RRM2: variants seen among roughly 807,000 people sequenced by gnomAD.
RRM2 encodes the protein ribonucleoside-diphosphate reductase subunit M2.
RRM2 carries 6 observed loss-of-function variants against 45.9 expected under a neutral mutation model. The observed-to-expected ratio is 0.13, with a 90% CI of 0.07 to 0.26. The LOEUF (loss-of-function observed/expected upper bound fraction) is 0.26, where lower values mean the gene tolerates loss of function less well. Ranked by LOEUF, RRM2 falls within the 10% of genes least tolerant of loss-of-function variation. The pLI is 1.00. For missense variants in RRM2, 343 were observed against 489.5 expected (o/e 0.70, Z 2.82); for synonymous variants, 177 against 173.0 (o/e 1.02, Z -0.18).
At chr2:10,188,158 T>A (rs1389208569) in intron 3 of RRM2, among the ~76,000 whole-genome samples, 1 of 152,018 alleles carries the variant, frequency 6.6e-6, no homozygotes, top group Non-Finnish European at 1.5e-5. Flanking sequence ...CCACTTTGGG[T>A]GAGTATGAGC....
chr2:10,200,482 C>CCGCCATCTAAGGGCTCTACTGGCTT (rs1216581097), intron 3 of RRM2, among the ~76,000 whole-genome samples: 1 of 54,852 alleles, frequency 1.8e-5, no homozygotes, highest in African/African-American at 6.1e-5. Flanking sequence ...AATATGAGGC[C>CCGCCATCTAAGGGCTCTACTGGCTT]CACAGGCACC....
chr2:10,164,072 G>A (rs1663629780), intron 3 of RRM2, among the ~76,000 whole-genome samples: 1 of 152,034 alleles, frequency 6.6e-6, no homozygotes, highest in Non-Finnish European at 1.5e-5. Context: ...GTGAACGTGT[G>A]TGTGAGTGTG....
At chr2:10,133,303 C>T (rs1041167081), downstream of RRM2, among the ~76,000 whole-genome samples, 9 of 152,228 alleles carry the variant, frequency 5.9e-5, no homozygotes, top group African/African-American at 9.6e-5. Context: ...CGGGGCCCTG[C>T]CCAGCTGCAG....
intron 3 of RRM2, among the ~76,000 whole-genome samples, chr2:10,166,694 G>A (rs943509438): frequency 2.6e-5 from 4 of 152,332 alleles, no homozygotes; most frequent in African/African-American, 9.6e-5. Flanking sequence ...CAAAGCCCTC[G>A]CCCTGTTCCC....
At chr2:10,142,804 A>G (rs917656257) in intron 3 of RRM2, among the ~76,000 whole-genome samples, 6 of 152,152 alleles carry the variant, frequency 3.9e-5, no homozygotes, top group African/African-American at 1.4e-4. Flanking sequence ...GCCCTGCCTG[A>G]GCCCAGGTGC....
rs1284645672 is a variant in RRM2, at chr2:10,131,007, T to G, written c.*1621T>G. The G allele has an allele frequency of 2.0e-5, 3 of 152,242 alleles. No individual in the cohort carries two copies. Among genetic ancestry groups the G allele is most frequent in the Non-Finnish European group, 4.4e-5 (3 of 68,042 alleles). The allele number at this position is 152,242 out of a possible 1,614,324, so 9.4% of individuals were successfully genotyped here. ...ACATTGCATGAAAGATGATGAGAGA[T>G]AAATGTTGATCTTTTGGCCCCATTT... On this transcript the variant is annotated 3_prime_UTR_variant, in exon 10 of 10. Transcript: ENST00000304567.
At chr2:10,186,647 T>TCAACC (rs1664173924) in intron 3 of RRM2, among the ~76,000 whole-genome samples, 12 of 152,202 alleles carry the variant, frequency 7.9e-5, no homozygotes, top group Admixed American at 7.2e-4. Context: ...TGAATGGGTC[T>TCAACC]CATAGTTGAG....
exon 4 of RRM2, chr2:10,210,850 G>A (rs1664749996): frequency 1.5e-5 from 5 of 332,016 alleles, no homozygotes; most frequent in South Asian, 9.7e-5. Flanking sequence ...CCATGCTGGG[G>A]TTGGTGCCCT....
intron 3 of RRM2, among the ~76,000 whole-genome samples, chr2:10,190,545 G>A (rs535337921): frequency 2.6e-5 from 4 of 151,138 alleles, no homozygotes; most frequent in African/African-American, 9.7e-5. Flanking sequence ...GTTGATGGTG[G>A]TGGTGAGGAT....
In RRM2 at chr2:10,205,235, G is replaced by A. The variant is rs961508661; in HGVS notation, n.483-5076G>A. 2.6e-5 allele frequency among the ~76,000 whole-genome samples: 4 copies of A among 152,216 alleles called. No homozygotes were observed. Among genetic ancestry groups the A allele is most frequent in the Non-Finnish European group, 5.9e-5 (4 of 68,040 alleles). On this transcript the variant is annotated intron_variant and non_coding_transcript_variant, in intron 3 of 3. Coordinates refer to the RRM2 transcript ENST00000381786. This position sits in a 1 kb window ranked among gnomAD's most constrained non-coding sequence, Gnocchi z 4.8. Reference sequence around the variant, plus strand: ...AGGGGCTGAGGCCTGAGCGGTGAGTGGGGCTCGGTATTGACGATCAGCGAA... The same window carrying A: ...AGGGGCTGAGGCCTGAGCGGTGAGTAGGGCTCGGTATTGACGATCAGCGAA...
At chr2:10,184,074 C>T (rs1664113567) in intron 3 of RRM2, among the ~76,000 whole-genome samples, 1 of 112,752 alleles carries the variant, frequency 8.9e-6, no homozygotes, top group Admixed American at 1.4e-4. Context: ...GCCTGGGTGA[C>T]AGAGCGAGAC....
rs1458922067 is a variant in RRM2 at position 10,204,689 on chromosome 2, G to T, written n.483-5622G>T. Among the ~76,000 whole-genome samples, 1 of 152,242 alleles carries T rather than the reference G, an allele frequency of 6.6e-6. No homozygotes were observed. The highest frequency in any genetic ancestry group is 2.1e-4 in the South Asian group (1 of 4,836). ...GCCTGGCTTTTGTGAACACGTCTGC[G>T]CTGACTAATTTGTTTAATTACTCAT... On this transcript the variant is annotated intron_variant and non_coding_transcript_variant, in intron 3 of 3. Coordinates refer to the RRM2 transcript ENST00000381786. This position sits in a 1 kb window ranked among gnomAD's most constrained non-coding sequence, Gnocchi z 4.0.
intron 3 of RRM2, among the ~76,000 whole-genome samples, chr2:10,194,315 C>T (rs1664368387): frequency 1.3e-5 from 2 of 152,142 alleles, no homozygotes; most frequent in South Asian, 4.1e-4. Flanking sequence ...GCTAGCAGGC[C>T]TGTGTCCACC....
At chr2:10,143,694 C>T (rs554946109) in intron 3 of RRM2, among the ~76,000 whole-genome samples, 6 of 152,122 alleles carry the variant, frequency 3.9e-5, no homozygotes, top group South Asian at 2.1e-4. Context: ...TTCTTTGAGA[C>T]GGAGTCTTGC....
At chr2:10,210,442 C>A (rs369893846) in exon 4 of RRM2, 5 of 1,367,856 alleles carry the variant, frequency 3.7e-6, no homozygotes, top group Non-Finnish European at 4.9e-6. Context: ...ACCCCTGGAG[C>A]GACCCTGTTT....
chr2:10,160,001 C>A (rs995355206), intron 3 of RRM2, among the ~76,000 whole-genome samples: 6 of 152,188 alleles, frequency 3.9e-5, no homozygotes, highest in Non-Finnish European at 5.9e-5. Context: ...GTCCAGCCCC[C>A]TCTCCCTGCC....
Position 10,187,966 on chromosome 2 carries a change from A to G in RRM2, n.483-22345A>G, listed in dbSNP as rs181509337. Among the ~76,000 whole-genome samples the G allele has an allele frequency of 4.6e-3, 706 of 151,992 alleles. 2 individuals are homozygous for G. Among genetic ancestry groups the G allele is most frequent in the Non-Finnish European group, 6.7e-3 (458 of 68,022 alleles). ...AGAAATGCAAGTTCTCCGGCCCCAC[A>G]CTAGACTGACTGAATCAGAAACTCG... On this transcript the variant is annotated intron_variant and non_coding_transcript_variant, in intron 3 of 3. Transcript: ENST00000381786.
At position 10,182,540 on chromosome 2, in the gene RRM2, C is replaced by CT. The variant is rs555149873; in HGVS notation, n.483-27770dup. On this transcript the variant is annotated intron_variant and non_coding_transcript_variant, in intron 3 of 3. Transcript: ENST00000381786. ...TGAAGTTGGGCTAAGAAGCTGGACG[C>CT]TAGTCCCAGCTACTCAGGAAGTGGA... Among the ~76,000 whole-genome samples, 118 of 152,276 alleles carry CT rather than the reference C, an allele frequency of 7.7e-4. 1 individual carries two copies. The highest frequency in any genetic ancestry group is 2.7e-3 in the African/African-American group (113 of 41,552).
upstream of RRM2, among the ~76,000 whole-genome samples, chr2:10,136,641 C>G (rs1662993896): frequency 6.6e-6 from 1 of 152,202 alleles, no homozygotes; most frequent in Non-Finnish European, 1.5e-5. Context: ...TGTGTGGTGG[C>G]ATGCATCTGT....
Sources: gnomAD v4.1 joint callset for allele counts (sites outside exome capture counted in the v4.1 genomes callset) on GRCh38, gnomAD v4.1.1 for gene constraint, Gnocchi (gnomAD v3.1) non-coding constraint, MANE v1.5 for transcripts, NCBI Gene and HGNC (gene_info 2026-07-23, HGNC 2026-07-21) for gene names.